The following DPYSL2 variants were observed in gnomAD, a reference collection of about 807,000 sequenced individuals.
The protein encoded by DPYSL2 is dihydropyrimidinase-related protein 2.
Under a neutral mutation model 69.9 loss-of-function variants are expected in DPYSL2, and 13 were observed. The ratio of observed to expected loss-of-function variants is 0.19; its 90% CI spans 0.12 to 0.30. The LOEUF (loss-of-function observed/expected upper bound fraction) is 0.30. Among genes scored for constraint, DPYSL2 ranks in the 10% least tolerant of loss-of-function variants. The pLI is 1.00. For missense variants in DPYSL2, 587 were observed against 918.9 expected, an observed-to-expected ratio of 0.64 and a Z score of 4.67; for synonymous variants, 326 against 359.1, an observed-to-expected ratio of 0.91 and a Z score of 1.04.
rs1585572172 is a variant in DPYSL2, at chr8:26,647,329, T to C, written c.1426-301T>C. ...ACCATCACCACAATCAAGATGCAGG[T>C]CTAGTCCAGCATTTCAGAGACCAAC... On this transcript the variant is annotated intron_variant, in intron 10 of 13. Transcript: ENST00000521913. The surrounding 1 kb of genome is among the most constrained non-coding windows in gnomAD (Gnocchi z 5.1). 6.6e-6 allele frequency among the ~76,000 whole-genome samples: 1 copy of C among 152,202 alleles called. No individual in the cohort carries two copies. The highest frequency in any genetic ancestry group is 1.9e-4 in the East Asian group (1 of 5,168).
intron 1 of DPYSL2, chr8:26,577,939 G>A (rs1427268324): frequency 8.3e-7 from 1 of 1,206,132 alleles, no homozygotes; most frequent in Non-Finnish European, 1.0e-6. Context: ...TTGAACCGAG[G>A]CTTTTATTGC....
At chr8:26,573,581 T>G (rs1801274796) in intron 1 of DPYSL2, among the ~76,000 whole-genome samples, 1 of 144,216 alleles carries the variant, frequency 6.9e-6, no homozygotes. Context: ...GGCAGGAGAA[T>G]GGCATGAACC....
At position 26,641,125 on chromosome 8, in the gene DPYSL2, A is replaced by C. The variant is rs945266388; in HGVS notation, c.1127-2314A>C. ...AAGAACCAGCCCCTCCTTGTACTTA[A>C]GTTTCTAGAGGCAGGGCCGAGGAGC... is the stretch of plus-strand genomic sequence containing the variant. On this transcript the variant is annotated intron_variant, in intron 8 of 13. Transcript: ENST00000521913. This position sits in a 1 kb window ranked among gnomAD's most constrained non-coding sequence, Gnocchi z 4.1. 6.6e-6 allele frequency among the ~76,000 whole-genome samples: 1 copy of C among 152,144 alleles called. No individual in the cohort carries two copies. Among genetic ancestry groups the C allele is most frequent in the Admixed American group, 6.5e-5 (1 of 15,282 alleles).
rs1803324996 is a variant in DPYSL2 at position 26,653,701 on chromosome 8, G to T, written c.1942+304G>T. 1.3e-5 allele frequency among the ~76,000 whole-genome samples: 2 copies of T among 152,104 alleles called. No homozygotes were observed. The highest frequency in any genetic ancestry group is 4.8e-5 in the African/African-American group (2 of 41,428). Reference sequence around the variant, plus strand: ...GCCTCCCAAGTAGCTGGGATTACAGGCATGCACCACCATACCTGGCTAATT... The same window carrying T: ...GCCTCCCAAGTAGCTGGGATTACAGTCATGCACCACCATACCTGGCTAATT... On this transcript the variant is annotated intron_variant, in intron 13 of 13. Transcript: ENST00000521913. This position sits in a 1 kb window ranked among gnomAD's most constrained non-coding sequence, Gnocchi z 5.7.
At chr8:26,623,947 G>T in intron 3 of DPYSL2, 196 bp from the exon 4 acceptor site, 1 of 597,500 alleles carries the variant, frequency 1.7e-6, no homozygotes. Flanking sequence ...ATCATCCAAT[G>T]CCAAGTTTCT....
chr8:26,574,015 T>C (rs7822679), intron 1 of DPYSL2, among the ~76,000 whole-genome samples: 1,977 of 152,098 alleles, frequency 0.013, 45 homozygotes, highest in African/African-American at 0.043. Context: ...GACAAGGCAG[T>C]GTGCTGGTAG....
rs182100479 is a variant in DPYSL2 at position 26,655,924 on chromosome 8, A to G, written c.*218A>G. 8 of 428,180 alleles carry G rather than the reference A, an allele frequency of 1.9e-5. No individual in the cohort carries two copies. Among genetic ancestry groups the G allele is most frequent in the East Asian group, 1.7e-4 (5 of 30,186 alleles). 26.5% of individuals were successfully genotyped at this position (428,180 alleles called of 1,614,324 possible). On this transcript the variant is annotated 3_prime_UTR_variant, in exon 14 of 14. Transcript: ENST00000521913. ...TGCTCATCCACTTCCCTACACATCT[A>G]TGGGTATCACACCCAAGACTACCCA...
At position 26,644,597 on chromosome 8, in the gene DPYSL2, G is replaced by A. The variant is rs1426586239; in HGVS notation, c.1425+506G>A. Among the ~76,000 whole-genome samples the A allele has an allele frequency of 5.9e-5, 9 of 152,002 alleles. No homozygotes were observed. Among genetic ancestry groups the A allele is most frequent in the Non-Finnish European group, 1.3e-4 (9 of 68,024 alleles). On this transcript the variant is annotated intron_variant, in intron 10 of 13. Transcript: ENST00000521913. This position sits in a 1 kb window ranked among gnomAD's most constrained non-coding sequence, Gnocchi z 4.5. ...TGGGATTACAGGTGTGAGCCACCAC[G>A]CCTGGCTTACCTGTATATTTCTTAT...
chr8:26,622,090 TTTCCTTCC>T (rs59707085), intron 3 of DPYSL2, among the ~76,000 whole-genome samples: 1,060 of 64,298 alleles, frequency 0.016, 29 homozygotes, highest in Middle Eastern at 0.02. Flanking sequence ...TCTTTCTTTC[TTTCCTTCC>T]TTCCTTCCTT....
chr8:26,548,271 T>C (rs1800812920), intron 1 of DPYSL2: 1 of 217,374 alleles, frequency 4.6e-6, no homozygotes, highest in East Asian at 1.3e-4. Context: ...ACAGGCAAGA[T>C]GAGGCACCTA....
At chr8:26,551,591 A>C (rs1178674932) in intron 1 of DPYSL2, among the ~76,000 whole-genome samples, 1 of 152,194 alleles carries the variant, frequency 6.6e-6, no homozygotes, top group Non-Finnish European at 1.5e-5. Flanking sequence ...GATCTAATTG[A>C]AATTTATATT....
rs1039321742 is a variant in DPYSL2, at chr8:26,585,400, C to T, written c.628+1417C>T. On this transcript the variant is annotated intron_variant, in intron 3 of 13. Coordinates refer to ENST00000521913, the MANE Select transcript of DPYSL2 (RefSeq NM_001197293.3). The surrounding 1 kb of genome is among the most constrained non-coding windows in gnomAD (Gnocchi z 4.0). ...CACAACTCATCCTCTGGCGTTCTCT[C>T]TGTCCTGGCCCTCAGGGTCTGAAGC... Among the ~76,000 whole-genome samples, 2 of 152,170 alleles carry T rather than the reference C, an allele frequency of 1.3e-5. No homozygotes were observed.
chr8:26,520,287 T>A (rs918027357), intron 1 of DPYSL2, among the ~76,000 whole-genome samples: 1 of 152,142 alleles, frequency 6.6e-6, no homozygotes, highest in Non-Finnish European at 1.5e-5. Context: ...ATTAGCAGGG[T>A]GAGAACAGAC....
chr8:26,634,971 G>T, intron 8 of DPYSL2, 71 bp downstream of exon 8: 1 of 1,590,412 alleles, frequency 6.3e-7, no homozygotes, highest in Non-Finnish European at 8.6e-7. Context: ...CCTCACTAGG[G>T]AGGGCTCCTT....
chr8:26,634,428 C>CA (rs564760766), intron 7 of DPYSL2, among the ~76,000 whole-genome samples: 1,788 of 91,194 alleles, frequency 0.02, 22 homozygotes, highest in Middle Eastern at 0.11. Flanking sequence ...CCATGCCCAG[C>CA]TTTTTTTTTT....
intron 1 of DPYSL2, among the ~76,000 whole-genome samples, chr8:26,554,715 C>A (rs752693712): frequency 1.1e-4 from 16 of 152,208 alleles, no homozygotes; most frequent in Middle Eastern, 3.4e-3. Flanking sequence ...CATACCAATT[C>A]TCTATAATCT....
chr8:26,589,113 C>T (rs555925390), intron 3 of DPYSL2, among the ~76,000 whole-genome samples: 1 of 151,930 alleles, frequency 6.6e-6, no homozygotes, highest in Admixed American at 6.5e-5. Flanking sequence ...GCCCAAGTGT[C>T]AGAACCCTCC....
rs1803062870 is a variant in DPYSL2 at position 26,642,072 on chromosome 8, G to C, written c.1127-1367G>C. Among the ~76,000 whole-genome samples, 1 of 152,244 alleles carries C rather than the reference G, an allele frequency of 6.6e-6. No homozygotes were observed. Among genetic ancestry groups the C allele is most frequent in the Non-Finnish European group, 1.5e-5 (1 of 68,038 alleles). ...GTTGTGGGGTGGGAGTTAGCCCTGTGCTGGGGGGAGCTAGTGAGAGATGAA... is the reference window on the plus strand; with the variant it reads ...GTTGTGGGGTGGGAGTTAGCCCTGTCCTGGGGGGAGCTAGTGAGAGATGAA... On this transcript the variant is annotated intron_variant, in intron 8 of 13. Coordinates refer to ENST00000521913, the MANE Select transcript of DPYSL2 (RefSeq NM_001197293.3). This position sits in a 1 kb window ranked among gnomAD's most constrained non-coding sequence, Gnocchi z 5.3.
Position 26,643,178 on chromosome 8 carries a change from G to T in DPYSL2, c.1127-261G>T, listed in dbSNP as rs1450233433. On this transcript the variant is annotated intron_variant, in intron 8 of 13. Transcript: ENST00000521913. This position sits in a 1 kb window ranked among gnomAD's most constrained non-coding sequence, Gnocchi z 6.5. ...CAACGTAGGAGACAGAAGCCTTCAG[G>T]ATGTCTGGGATCCTATAGGGAGGGT... 1.0e-5 allele frequency: 4 copies of T among 401,930 alleles called. No homozygotes were observed. The highest frequency in any genetic ancestry group is 2.1e-5 in the African/African-American group (1 of 48,064). The allele number at this position is 401,930 out of a possible 1,614,324, so 24.9% of individuals were successfully genotyped here. A position where few individuals can be genotyped will look rare whatever the true frequency, so the allele number is the denominator to read the frequency against.
Sources: allele counts gnomAD v4.1 joint callset (sites outside exome capture counted in the v4.1 genomes callset), GRCh38; gene constraint gnomAD v4.1.1; non-coding constraint Gnocchi (gnomAD v3.1); transcripts MANE v1.5; gene names NCBI Gene and HGNC (gene_info 2026-07-23, HGNC 2026-07-21).